TMEM87A: variants seen among roughly 807,000 people sequenced by gnomAD.
TMEM87A encodes the protein transmembrane protein 87A, also known as Golgi-pH regulating cation channel.
Under a neutral mutation model 90.0 loss-of-function variants are expected in TMEM87A, and 50 were observed. That is an observed-to-expected ratio of 0.56 (90% CI 0.44 to 0.70). The LOEUF (loss-of-function observed/expected upper bound fraction) is 0.70, where lower values mean the gene tolerates loss of function less well. Among genes scored for constraint, TMEM87A ranks in the 30% least tolerant of loss-of-function variants. The pLI is 0.00. For missense variants in TMEM87A, 577 were observed against 660.5 expected (o/e 0.87, Z 1.39); for synonymous variants, 226 against 226.7 (o/e 1.00, Z 0.03).
chr15:42,258,603 T>C, intron 6 of TMEM87A: 2 of 582,306 alleles, frequency 3.4e-6, no homozygotes, highest in Non-Finnish European at 4.5e-6. Context: ...ATTTTTGTAT[T>C]TTTAGTAAAG....
chr15:42,264,235 T>G (rs2051354181), intron 3 of TMEM87A, 32 bp from the exon 4 acceptor site: 1 of 1,479,026 alleles, frequency 6.8e-7, no homozygotes, highest in South Asian at 1.2e-5. Flanking sequence ...AGTAGTTAAC[T>G]CACCTTCCAA....
chr15:42,215,096 G>C (rs1484527106), intron 19 of TMEM87A, among the ~76,000 whole-genome samples: 1 of 152,144 alleles, frequency 6.6e-6, no homozygotes, highest in Non-Finnish European at 1.5e-5. Flanking sequence ...TATTGCTCTA[G>C]GCTAAAAACC....
chr15:42,266,427 A>G (rs1319618609), intron 3 of TMEM87A, among the ~76,000 whole-genome samples: 3 of 152,026 alleles, frequency 2.0e-5, no homozygotes. Flanking sequence ...GAGGCTGGAC[A>G]ATCACTTGAA....
intron 18 of TMEM87A, 163 bp from the exon 19 acceptor site, chr15:42,217,996 C>A: frequency 1.5e-6 from 1 of 682,710 alleles, no homozygotes; most frequent in Non-Finnish European, 2.4e-6. Flanking sequence ...CAATAAGCAA[C>A]AGTTACAGAA....
intron 3 of TMEM87A, among the ~76,000 whole-genome samples, chr15:42,265,535 C>A (rs2051385951): frequency 6.6e-6 from 1 of 151,898 alleles, no homozygotes; most frequent in Non-Finnish European, 1.5e-5. Flanking sequence ...TGTCCTTTAC[C>A]CACTTTTCTA....
intron 6 of TMEM87A, among the ~76,000 whole-genome samples, chr15:42,249,590 T>C (rs1288465838): frequency 6.6e-6 from 1 of 152,228 alleles, no homozygotes. Flanking sequence ...ATTTGTGTGG[T>C]TTTGAGTGAG....
At position 42,211,453 on chromosome 15, in the gene TMEM87A, G is replaced by A; in HGVS notation, c.*255C>T. On this transcript the variant is annotated 3_prime_UTR_variant, in exon 20 of 20. Coordinates refer to ENST00000389834, the MANE Select transcript of TMEM87A (RefSeq NM_015497.5). Reference sequence around the variant, plus strand: ...ACACTTAAGTTGCATGAACATCCATGTCAGAGTCTGGGAGGAAAGGGGGCA... The same window carrying A: ...ACACTTAAGTTGCATGAACATCCATATCAGAGTCTGGGAGGAAAGGGGGCA... 2.5e-6 allele frequency: 1 copy of A among 395,098 alleles called. No homozygotes were observed. Among genetic ancestry groups the A allele is most frequent in the East Asian group, 3.9e-5 (1 of 25,434 alleles). The allele number at this position is 395,098 out of a possible 1,614,324, so 24.5% of individuals were successfully genotyped here. A position where few individuals can be genotyped will look rare whatever the true frequency, so the allele number is the denominator to read the frequency against.
intron 3 of TMEM87A, among the ~76,000 whole-genome samples, chr15:42,265,011 G>C (rs895067823): frequency 1.3e-5 from 2 of 151,984 alleles, no homozygotes; most frequent in Non-Finnish European, 2.9e-5. Context: ...CTCCTTCTGT[G>C]TTCTTGCAAA....
rs1329662243 is a variant in TMEM87A, at chr15:42,237,481, T to C, written c.819A>G (p.Lys273=). Residue 273 remains lysine (K), a synonymous_variant, in exon 9 of 20, where the codon AAA becomes AAG. Transcript: ENST00000389834. ...GAVIFLGMLE[K]AVFYAEFQNI... is the part of the protein sequence containing the mutation. The stretch of plus-strand genomic sequence containing the variant: ...TCTGAAATTCCGCATAGAAGACAGC[T>C]TTCTCAAGCATTCCCAGGAAGATGA... The C allele has an allele frequency of 6.2e-7, 1 of 1,614,142 alleles. No homozygotes were observed. Among genetic ancestry groups the C allele is most frequent in the Non-Finnish European group, 8.5e-7 (1 of 1,180,030 alleles).
At chr15:42,227,230 A>G (rs2050611545) in intron 14 of TMEM87A, among the ~76,000 whole-genome samples, 1 of 152,182 alleles carries the variant, frequency 6.6e-6, no homozygotes, top group South Asian at 2.1e-4. Context: ...GTGTAAGAGA[A>G]AGTTACATTA....
chr15:42,238,134 T>C (rs2050809164), intron 8 of TMEM87A, among the ~76,000 whole-genome samples: 2 of 152,108 alleles, frequency 1.3e-5, no homozygotes, highest in African/African-American at 4.8e-5. Flanking sequence ...CCTGCTCTCC[T>C]ATAGTAAAAG....
intron 15 of TMEM87A, among the ~76,000 whole-genome samples, chr15:42,221,846 G>T (rs565369132): frequency 6.6e-6 from 1 of 152,268 alleles, no homozygotes; most frequent in East Asian, 1.9e-4. Context: ...GACATCCCAG[G>T]TTCAAGTGAT....
chr15:42,231,186 G>T lies in TMEM87A; in HGVS notation c.1131+6C>A. ...CCATCATCAAACAAGCCAATGAGAA[G>T]GATATCCACCAGCACAAGGCAGTGT... On this transcript the variant is annotated splice_donor_region_variant and intron_variant, in intron 12 of 19. Transcript: ENST00000389834. 1 of 1,601,916 alleles carries T rather than the reference G, an allele frequency of 6.2e-7. No individual in the cohort carries two copies. Among genetic ancestry groups the T allele is most frequent in the Admixed American group, 1.7e-5 (1 of 57,262 alleles).
intron 15 of TMEM87A, 31 bp downstream of exon 15, chr15:42,226,775 G>T: frequency 6.3e-7 from 1 of 1,587,018 alleles, no homozygotes; most frequent in Non-Finnish European, 8.7e-7. Context: ...GTCATCTCAT[G>T]TTAGCAGAGT....
At chr15:42,246,622 C>T (rs1232547770) in intron 6 of TMEM87A, among the ~76,000 whole-genome samples, 2 of 152,182 alleles carry the variant, frequency 1.3e-5, no homozygotes, top group East Asian at 1.9e-4. Flanking sequence ...AGGACATGAA[C>T]TCATCCTTTT....
chr15:42,236,243 A>G (rs565228950), intron 10 of TMEM87A, 77 bp downstream of exon 10: 118 of 1,177,428 alleles, frequency 1.0e-4, no homozygotes, highest in Non-Finnish European at 1.4e-4. Flanking sequence ...CAGAACTACT[A>G]CATTGGGAAC....
intron 7 of TMEM87A, 21 bp downstream of exon 7, chr15:42,244,029 T>TA (rs757320242): frequency 0.12 from 122,821 of 1,051,940 alleles, no homozygotes; most frequent in South Asian, 0.14. Flanking sequence ...ACATAACCAT[T>TA]AAAAAAAAAA....
At chr15:42,240,916 C>T (rs2050855560) in intron 7 of TMEM87A, among the ~76,000 whole-genome samples, 1 of 152,198 alleles carries the variant, frequency 6.6e-6, no homozygotes, top group Non-Finnish European at 1.5e-5. Flanking sequence ...TTAGTAAATA[C>T]TTGGATCATA....
At chr15:42,273,496 C>G, upstream of TMEM87A, 1 of 1,545,086 alleles carries the variant, frequency 6.5e-7, no homozygotes, top group South Asian at 1.2e-5. Flanking sequence ...TATCCGGGTC[C>G]TGGAAACGTC....
Sources: gnomAD v4.1 joint callset for allele counts (sites outside exome capture counted in the v4.1 genomes callset) on GRCh38, gnomAD v4.1.1 for gene constraint, MANE v1.5 for transcripts, NCBI Gene and HGNC (gene_info 2026-07-23, HGNC 2026-07-21) for gene names.